DNAJC17: variants seen among roughly 807,000 people sequenced by gnomAD.
The protein encoded by DNAJC17 is DnaJ heat shock protein family (Hsp40) member C17, also known as dnaJ homolog subfamily C member 17.
Under a neutral mutation model 48.1 loss-of-function variants are expected in DNAJC17, and 35 were observed. The ratio of observed to expected loss-of-function variants is 0.73; its 90% CI spans 0.56 to 0.96. The LOEUF (loss-of-function observed/expected upper bound fraction) is 0.96, where lower values mean the gene tolerates loss of function less well. Ranked by LOEUF, DNAJC17 falls within the 50% of genes least tolerant of loss-of-function variation. DNAJC17 has a pLI of 0.00. For missense variants in DNAJC17, 355 were observed against 377.1 expected, an observed-to-expected ratio of 0.94 and a Z score of 0.48; for synonymous variants, 117 against 142.7, an observed-to-expected ratio of 0.82 and a Z score of 1.28.
intron 1 of DNAJC17, among the ~76,000 whole-genome samples, chr15:40,806,220 C>CTTTT (rs34520548): frequency 4.1e-5 from 5 of 122,886 alleles, no homozygotes; most frequent in Admixed American, 8.4e-5. Context: ...TTTTTTTTTC[C>CTTTT]TTTTTTTTTT....
rs750728810 is a variant in DNAJC17, at chr15:40,767,373, G to A, written c.*567C>T. ...GACCTTCTCATGCTGATTTGCAGAC[G>A]GGGCACCCCTGTGGAGGGGCTGCTG... On this transcript the variant is annotated 3_prime_UTR_variant, in exon 11 of 11. Coordinates refer to ENST00000220496, the MANE Select transcript of DNAJC17 (RefSeq NM_018163.3). 5 of 1,586,056 alleles carry A rather than the reference G, an allele frequency of 3.2e-6. No individual in the cohort carries two copies. Among genetic ancestry groups the A allele is most frequent in the East Asian group, 2.4e-5 (1 of 42,424 alleles).
chr15:40,800,463 T>C (rs1423545183), intron 1 of DNAJC17, among the ~76,000 whole-genome samples: 2 of 152,012 alleles, frequency 1.3e-5, no homozygotes, highest in Admixed American at 6.6e-5. Flanking sequence ...TTTGGGGAAA[T>C]GTCTATTGAG....
At chr15:40,804,367 C>T (rs894285744) in intron 1 of DNAJC17, among the ~76,000 whole-genome samples, 2 of 151,406 alleles carry the variant, frequency 1.3e-5, no homozygotes, top group Admixed American at 6.6e-5. Flanking sequence ...AGCTTGAACC[C>T]AGGAGTTCGA....
intron 1 of DNAJC17, among the ~76,000 whole-genome samples, chr15:40,805,375 CA>C (rs559577744): frequency 0.091 from 9,714 of 107,272 alleles, 419 homozygotes; most frequent in Non-Finnish European, 0.12. Flanking sequence ...TACTCTGTCT[CA>C]AAAAAAAAAA....
rs767894763 is a variant in DNAJC17, at chr15:40,770,594, T to C, written c.793-2532A>G. The stretch of plus-strand genomic sequence containing the variant: ...GGCTCCGGCGACAGAGTAGTGTGCT[T>C]AGCCAGGCCAGCACAGCAGGTGGGG... On this transcript the variant is annotated intron_variant, in intron 10 of 10. Coordinates refer to ENST00000220496, the MANE Select transcript of DNAJC17 (RefSeq NM_018163.3). This position sits in a 1 kb window ranked among gnomAD's most constrained non-coding sequence, Gnocchi z 5.0. 3 of 1,550,568 alleles carry C rather than the reference T, an allele frequency of 1.9e-6. No homozygotes were observed. Among genetic ancestry groups the C allele is most frequent in the Non-Finnish European group, 2.6e-6 (3 of 1,146,980 alleles).
intron 1 of DNAJC17, among the ~76,000 whole-genome samples, chr15:40,800,163 C>A (rs1429126719): frequency 1.3e-5 from 2 of 152,200 alleles, no homozygotes; most frequent in African/African-American, 2.4e-5. Flanking sequence ...ACCTCCGCCT[C>A]CTGGGTTCCA....
intron 1 of DNAJC17, among the ~76,000 whole-genome samples, chr15:40,801,685 G>A (rs993036383): frequency 1.2e-4 from 18 of 150,398 alleles, no homozygotes; most frequent in African/African-American, 1.2e-4. Context: ...CCTGGGAGGC[G>A]GAGCTTGCAG....
chr15:40,786,201 G>A lies in DNAJC17; in HGVS notation c.79-6204C>T, dbSNP rs547279969. Among the ~76,000 whole-genome samples, 8 of 152,266 alleles carry A rather than the reference G, an allele frequency of 5.3e-5. No homozygotes were observed. In the South Asian group the frequency reaches 1.2e-3, roughly 24 times the overall value. The stretch of plus-strand genomic sequence containing the variant: ...GAACAGCTCAAAAGGCTAGATTCAG[G>A]GTAAAAATGTACAACAATTATTTTT... On this transcript the variant is annotated intron_variant, in intron 1 of 10. Coordinates refer to ENST00000220496, the MANE Select transcript of DNAJC17 (RefSeq NM_018163.3).
intron 1 of DNAJC17, among the ~76,000 whole-genome samples, chr15:40,789,664 G>A (rs1049031841): frequency 6.6e-6 from 1 of 151,864 alleles, no homozygotes; most frequent in Non-Finnish European, 1.5e-5. Context: ...CCCAGTCTCT[G>A]CCCTTTCCCA....
At chr15:40,778,795 G>A (rs1566823512) in intron 4 of DNAJC17, among the ~76,000 whole-genome samples, 3 of 152,106 alleles carry the variant, frequency 2.0e-5, no homozygotes, top group African/African-American at 7.2e-5. Context: ...AATTAGCCGG[G>A]CGTAGTGGTG....
At chr15:40,790,302 AGAGGCT>A (rs1488035050) in intron 1 of DNAJC17, among the ~76,000 whole-genome samples, 1 of 152,234 alleles carries the variant, frequency 6.6e-6, no homozygotes, top group Non-Finnish European at 1.5e-5. Flanking sequence ...GGCCGGGCGC[AGAGGCT>A]CACGCCTGTA....
Position 40,775,031 on chromosome 15 carries a change from C to T in DNAJC17, c.600G>A (p.Lys200=). ...AAGAGTGGACGTCAACAGGGCCGAC[C>T]TTCTGCAAAAGCCGTAGGAGGACGT... ...SKDVLLRLLQ[K]YGEVLNLVLS... The change falls in exon 8 of 11, where the codon AAG becomes AAA. Residue 200 remains lysine (K), a splice_region_variant and synonymous_variant. Coordinates refer to ENST00000220496, the MANE Select transcript of DNAJC17 (RefSeq NM_018163.3). 1.9e-6 allele frequency: 3 copies of T among 1,614,090 alleles called. No homozygotes were observed. Among genetic ancestry groups the T allele is most frequent in the Non-Finnish European group, 2.5e-6 (3 of 1,180,008 alleles).
In DNAJC17 at chr15:40,766,369, C is replaced by T. The variant is rs1315811751; in HGVS notation, c.*1571G>A. ...CTGCTGCCTGGGGACCTAGCCATTT[C>T]CCTTGGCATTCTTCCTAATGCCTCC... On this transcript the variant is annotated 3_prime_UTR_variant, in exon 11 of 11. Transcript: ENST00000220496. 1 of 153,180 alleles carries T rather than the reference C, an allele frequency of 6.5e-6. No homozygotes were observed. Among genetic ancestry groups the T allele is most frequent in the Admixed American group, 6.5e-5 (1 of 15,314 alleles). 9.5% of individuals were successfully genotyped at this position (153,180 alleles called of 1,614,324 possible). A position where few individuals can be genotyped will look rare whatever the true frequency, so the allele number is the denominator to read the frequency against.
At chr15:40,771,106 G>A in intron 10 of DNAJC17, 1 of 1,301,592 alleles carries the variant, frequency 7.7e-7, no homozygotes, top group Non-Finnish European at 1.1e-6. Context: ...AGGACTCCAG[G>A]CCCATCGCTG....
At chr15:40,806,193 G>A (rs1271176629) in intron 1 of DNAJC17, among the ~76,000 whole-genome samples, 1 of 151,250 alleles carries the variant, frequency 6.6e-6, no homozygotes, top group South Asian at 2.1e-4. Flanking sequence ...GAAGTACTGG[G>A]ACATTAGTGG....
chr15:40,770,208 C>T lies in DNAJC17; in HGVS notation c.793-2146G>A, dbSNP rs574302407. ...CTCCAGTAAGTGCTGCTTCTTCCTC[C>T]TGGGTTTTTTTCCACTACCCTATTC... is the stretch of plus-strand genomic sequence containing the variant. On this transcript the variant is annotated intron_variant, in intron 10 of 10. Coordinates refer to ENST00000220496, the MANE Select transcript of DNAJC17 (RefSeq NM_018163.3). This position sits in a 1 kb window ranked among gnomAD's most constrained non-coding sequence, Gnocchi z 5.0. The T allele has an allele frequency of 1.6e-5, 6 of 363,802 alleles. No individual in the cohort carries two copies. The South Asian group carries it at 2.4e-4, about 15-fold the overall frequency. The allele number at this position is 363,802 out of a possible 1,614,324, so 22.5% of individuals were successfully genotyped here.
At chr15:40,797,290 G>A (rs572356840) in intron 1 of DNAJC17, among the ~76,000 whole-genome samples, 90 of 152,270 alleles carry the variant, frequency 5.9e-4, no homozygotes, top group African/African-American at 2.1e-3. Context: ...CGACTGCTTG[G>A]GCCCAGGAGG....
At chr15:40,773,706 G>T in intron 10 of DNAJC17, 21 bp downstream of exon 10, 1 of 1,594,752 alleles carries the variant, frequency 6.3e-7, no homozygotes, top group Non-Finnish European at 8.6e-7. Context: ...GCGCCCAGCC[G>T]GGCGAGGCCT....
intron 1 of DNAJC17, among the ~76,000 whole-genome samples, chr15:40,789,903 CAAAAAAAAAAAAA>C (rs71428311): frequency 3.0e-4 from 6 of 20,014 alleles, no homozygotes; most frequent in African/African-American, 9.0e-4. Flanking sequence ...CAGACTGTCT[CAAAAAAAAAAAAA>C]AAAAAAAAAA....
Sources: gnomAD v4.1 joint callset for allele counts (sites outside exome capture counted in the v4.1 genomes callset) on GRCh38, gnomAD v4.1.1 for gene constraint, Gnocchi (gnomAD v3.1) non-coding constraint, MANE v1.5 for transcripts, NCBI Gene and HGNC (gene_info 2026-07-23, HGNC 2026-07-21) for gene names.